Variants in WDR33 observed in about 807,000 individuals in gnomAD.
The protein encoded by WDR33 is WD repeat domain 33.
WDR33 carries 47 observed loss-of-function variants against 164.9 expected under a neutral mutation model. The ratio of observed to expected loss-of-function variants is 0.29; its 90% CI spans 0.23 to 0.36. The LOEUF is 0.36. Among genes scored for constraint, WDR33 ranks in the 10% least tolerant of loss-of-function variants. The pLI is 1.00. For missense variants in WDR33, 1,137 were observed against 1,754.1 expected (o/e 0.65, Z 6.28); for synonymous variants, 505 against 589.0 (o/e 0.86, Z 2.06).
At position 127,719,827 on chromosome 2, in the gene WDR33, C is replaced by T; in HGVS notation, c.2198G>A (p.Gly733Glu). ...CTGCATACCTTGAGTACCCGGAGGCCCCTGTGGGCCCAAGTGACCCTGAGG... is the reference window on the plus strand; with the variant it reads ...CTGCATACCTTGAGTACCCGGAGGCTCCTGTGGGCCCAAGTGACCCTGAGG... Reference protein sequence around the residue: ...PGPQGHLGPQGPPGTQGMQGP... With the variant: ...PGPQGHLGPQEPPGTQGMQGP... Residue 733 changes from glycine (G) to glutamate (E), a missense_variant, in exon 16 of 22, where the codon GGG becomes GAG. Gly to Glu is a moderately conservative substitution (Grantham distance 98, BLOSUM62 -2). Transcript: ENST00000322313. The surrounding 1 kb of genome is among the most constrained non-coding windows in gnomAD (Gnocchi z 6.5). The T allele has an allele frequency of 6.2e-7, 1 of 1,613,658 alleles. No individual in the cohort carries two copies. The highest frequency in any genetic ancestry group is 8.5e-7 in the Non-Finnish European group (1 of 1,179,980).
chr2:127,732,861 T>C (rs185117051), intron 7 of WDR33, among the ~76,000 whole-genome samples: 5 of 152,326 alleles, frequency 3.3e-5, no homozygotes, highest in Admixed American at 3.3e-4. Flanking sequence ...ACCAAACACA[T>C]GGTTTATTAA....
intron 1 of WDR33, among the ~76,000 whole-genome samples, chr2:127,792,763 T>A (rs1437456714): frequency 6.6e-6 from 1 of 152,168 alleles, no homozygotes; most frequent in Non-Finnish European, 1.5e-5. Flanking sequence ...ATTTGATTAT[T>A]AGGTAAATTA....
intron 7 of WDR33, among the ~76,000 whole-genome samples, chr2:127,729,343 G>A (rs1686646816): frequency 6.6e-6 from 1 of 152,166 alleles, no homozygotes; most frequent in South Asian, 2.1e-4. Flanking sequence ...AGGACTATGT[G>A]ATACTGCTTT....
At chr2:127,736,482 A>T in intron 7 of WDR33, 1 of 985,466 alleles carries the variant, frequency 1.0e-6, no homozygotes. Context: ...ATACACAAAC[A>T]TAAAAAAGCA....
chr2:127,719,871 G>A lies in WDR33; in HGVS notation c.2154C>T (p.Gly718=). The A allele has an allele frequency of 2.5e-6, 4 of 1,613,468 alleles. No individual in the cohort carries two copies. The highest frequency in any genetic ancestry group is 3.4e-6 in the Non-Finnish European group (4 of 1,179,900). ...QGPPGPQGHI[G]PQGPPGPQGH... ...CCTGAGGGCCAGGCGGGCCTTGGGGGCCTATGTGACCCTGTGGGCCAGGTG... is the reference window on the plus strand; with the variant it reads ...CCTGAGGGCCAGGCGGGCCTTGGGGACCTATGTGACCCTGTGGGCCAGGTG... The change falls in exon 16 of 22, where the codon GGC becomes GGT. Residue 718 remains glycine, a synonymous_variant. Coordinates refer to ENST00000322313, the MANE Select transcript of WDR33 (RefSeq NM_018383.5). This position sits in a 1 kb window ranked among gnomAD's most constrained non-coding sequence, Gnocchi z 6.5.
rs1573928478 is a variant in WDR33 at position 127,763,905 on chromosome 2, T to C, written c.627-746A>G. 1 of 985,772 alleles carries C rather than the reference T, an allele frequency of 1.0e-6. No homozygotes were observed. Among genetic ancestry groups the C allele is most frequent in the South Asian group, 4.7e-5 (1 of 21,302 alleles). The allele number at this position is 985,772 out of a possible 1,614,324, so 61.1% of individuals were successfully genotyped here. A position where few individuals can be genotyped will look rare whatever the true frequency, so the allele number is the denominator to read the frequency against. On this transcript the variant is annotated intron_variant, in intron 6 of 21. Transcript: ENST00000322313. The surrounding 1 kb of genome is among the most constrained non-coding windows in gnomAD (Gnocchi z 4.5). ...GCTGTGTAAACTCAATGTATGGGCA[T>C]GACACTAAGGCAAAATCTACAAAGC...
chr2:127,701,836 TGC>T lies in WDR33; in HGVS notation c.*4485_*4486del. Reference sequence around the variant, plus strand: ...GCGCTCTACGCACCGGTGTTGCTGCTGCGCGCGCGCAAGTTCGCGCTGCTCTG... The same window carrying T: ...GCGCTCTACGCACCGGTGTTGCTGCTGCGCGCGCAAGTTCGCGCTGCTCTG... On this transcript the variant is annotated 3_prime_UTR_variant, in exon 22 of 22. Transcript: ENST00000322313. 2.7e-6 allele frequency: 4 copies of T among 1,458,754 alleles called. No individual in the cohort carries two copies. Among genetic ancestry groups the T allele is most frequent in the Admixed American group, 2.4e-5 (1 of 41,026 alleles). 90.4% of individuals were successfully genotyped at this position (1,458,754 alleles called of 1,614,324 possible).
At chr2:127,803,454 G>C (rs1689322124) in intron 1 of WDR33, among the ~76,000 whole-genome samples, 1 of 152,012 alleles carries the variant, frequency 6.6e-6, no homozygotes, top group African/African-American at 2.4e-5. Context: ...TGTAATCCTA[G>C]CTGCTCGGGA....
intron 1 of WDR33, among the ~76,000 whole-genome samples, chr2:127,783,568 C>T (rs1021411020): frequency 1.0e-4 from 15 of 145,668 alleles, no homozygotes; most frequent in African/African-American, 3.8e-4. Flanking sequence ...CTTACAAAAG[C>T]AAGTTCTTCA....
At position 127,708,899 on chromosome 2, in the gene WDR33, C is replaced by T. The variant is rs1304386131; in HGVS notation, c.3566-7G>A. The stretch of plus-strand genomic sequence containing the variant: ...AAATGTTCATGACCTGGCCCTGAAA[C>T]AAGAAACAAATCTCCTTACAGGAAA... On this transcript the variant is annotated splice_polypyrimidine_tract_variant and splice_region_variant and intron_variant, in intron 20 of 21. Transcript: ENST00000322313. This position sits in a 1 kb window ranked among gnomAD's most constrained non-coding sequence, Gnocchi z 6.7. 2 of 1,544,492 alleles carry T rather than the reference C, an allele frequency of 1.3e-6. No individual in the cohort carries two copies. The highest frequency in any genetic ancestry group is 1.8e-6 in the Non-Finnish European group (2 of 1,140,826).
intron 7 of WDR33, among the ~76,000 whole-genome samples, chr2:127,752,596 CAAAAAAA>C (rs34369142): frequency 6.5e-5 from 5 of 76,582 alleles, no homozygotes; most frequent in Non-Finnish European, 1.3e-4. Flanking sequence ...GACTCCGTCT[CAAAAAAA>C]AAAAAAAAAA....
chr2:127,752,663 C>A (rs1378853359), intron 7 of WDR33, among the ~76,000 whole-genome samples: 1 of 150,414 alleles, frequency 6.6e-6, no homozygotes, highest in African/African-American at 2.4e-5. Context: ...CTGCTATGAG[C>A]TGTGAAGACT....
chr2:127,706,297 G>A lies in WDR33; in HGVS notation c.*26C>T. 1 of 1,520,800 alleles carries A rather than the reference G, an allele frequency of 6.6e-7. No homozygotes were observed. The highest frequency in any genetic ancestry group is 8.8e-7 in the Non-Finnish European group (1 of 1,136,178). The allele number at this position is 1,520,800 out of a possible 1,614,324, so 94.2% of individuals were successfully genotyped here. ...GAAGTTCTTACATACTGTCCAGAGA[G>A]GCCTCAGGGTACTCAGTTCCAGCTT... is the stretch of plus-strand genomic sequence containing the variant. On this transcript the variant is annotated 3_prime_UTR_variant, in exon 22 of 22. Transcript: ENST00000322313. The surrounding 1 kb of genome is among the most constrained non-coding windows in gnomAD (Gnocchi z 5.1).
At chr2:127,802,510 G>C (rs548224039) in intron 1 of WDR33, among the ~76,000 whole-genome samples, 1 of 152,050 alleles carries the variant, frequency 6.6e-6, no homozygotes, top group Non-Finnish European at 1.5e-5. Flanking sequence ...TCAAACTCCT[G>C]ACCCCAGGTG....
rs774976389 is a variant in WDR33, at chr2:127,706,287, T to C, written c.*36A>G. The C allele has an allele frequency of 3.0e-5, 44 of 1,484,462 alleles. No individual in the cohort carries two copies. The highest frequency in any genetic ancestry group is 3.8e-5 in the Non-Finnish European group (42 of 1,114,818). The allele number at this position is 1,484,462 out of a possible 1,614,324, so 92.0% of individuals were successfully genotyped here. On this transcript the variant is annotated 3_prime_UTR_variant, in exon 22 of 22. Coordinates refer to ENST00000322313, the MANE Select transcript of WDR33 (RefSeq NM_018383.5). This position sits in a 1 kb window ranked among gnomAD's most constrained non-coding sequence, Gnocchi z 5.1. The stretch of plus-strand genomic sequence containing the variant: ...GAGTCCACAAGAAGTTCTTACATAC[T>C]GTCCAGAGAGGCCTCAGGGTACTCA...
chr2:127,729,641 G>A (rs1354344449), intron 7 of WDR33, among the ~76,000 whole-genome samples: 1 of 151,922 alleles, frequency 6.6e-6, no homozygotes, highest in Non-Finnish European at 1.5e-5. Flanking sequence ...GACTACAGGC[G>A]CCCACCACCA....
intron 1 of WDR33, among the ~76,000 whole-genome samples, chr2:127,788,126 A>G (rs1192576970): frequency 2.8e-5 from 2 of 72,546 alleles, no homozygotes; most frequent in South Asian, 6.5e-4. Flanking sequence ...GGGGCTCCTC[A>G]CTTCCCAGTA....
chr2:127,772,374 G>C (rs913421720), intron 1 of WDR33, among the ~76,000 whole-genome samples: 2 of 152,012 alleles, frequency 1.3e-5, no homozygotes, highest in Non-Finnish European at 2.9e-5. Context: ...GGGAGGGAGA[G>C]GTTGCAGTGG....
chr2:127,726,572 A>G lies in WDR33; in HGVS notation c.851+79T>C, dbSNP rs1008025511. 6.5e-7 allele frequency: 1 copy of G among 1,550,338 alleles called. No homozygotes were observed. Among genetic ancestry groups the G allele is most frequent in the Non-Finnish European group, 8.7e-7 (1 of 1,150,328 alleles). On this transcript the variant is annotated intron_variant, in intron 8 of 21. Coordinates refer to ENST00000322313, the MANE Select transcript of WDR33 (RefSeq NM_018383.5). The surrounding 1 kb of genome is among the most constrained non-coding windows in gnomAD (Gnocchi z 4.8). ...TGACTCTTCCAGAAATACATAAGAG[A>G]AAACAAAGCTAAAAGTTAAAGGACA...
Sources: gnomAD v4.1 joint callset for allele counts (sites outside exome capture counted in the v4.1 genomes callset) on GRCh38, gnomAD v4.1.1 for gene constraint, Gnocchi (gnomAD v3.1) non-coding constraint, MANE v1.5 for transcripts, NCBI Gene and HGNC (gene_info 2026-07-23, HGNC 2026-07-21) for gene names.